The following GRID2 variants were observed in gnomAD, a reference collection of about 807,000 sequenced individuals.
The protein encoded by GRID2 is glutamate ionotropic receptor delta type subunit 2, also known as glutamate receptor ionotropic, delta-2.
GRID2 carries 33 observed loss-of-function variants against 114.8 expected under a neutral mutation model. The ratio of observed to expected loss-of-function variants is 0.29; its 90% confidence interval spans 0.22 to 0.38. GRID2 has a LOEUF of 0.38. Ranked by LOEUF, GRID2 falls within the 10% of genes least tolerant of loss-of-function variation. The pLI, the probability that GRID2 is intolerant of heterozygous loss-of-function variation, is 1.00. For missense variants in GRID2, 1,184 were observed against 1,257.7 expected, an observed-to-expected ratio of 0.94 and a Z score of 0.89; for synonymous variants, 505 against 449.9, an observed-to-expected ratio of 1.12 and a Z score of -1.55.
At chr4:93,535,376 T>A (rs1173793916) in intron 13 of GRID2, among the ~76,000 whole-genome samples, 1 of 151,986 alleles carries the variant, frequency 6.6e-6, no homozygotes, top group Non-Finnish European at 1.5e-5. Context: ...AGATGTATCT[T>A]TGAGATGCTG....
intron 4 of GRID2, among the ~76,000 whole-genome samples, chr4:93,193,765 A>G (rs1741217823): frequency 6.6e-6 from 1 of 152,216 alleles, no homozygotes; most frequent in African/African-American, 2.4e-5. Flanking sequence ...TCAGTAAACT[A>G]TGATACATAT....
chr4:93,245,459 A>G (rs952141141), intron 8 of GRID2, among the ~76,000 whole-genome samples: 1 of 152,204 alleles, frequency 6.6e-6, no homozygotes, highest in African/African-American at 2.4e-5. Flanking sequence ...AGCAAGATAT[A>G]TGTATAATTT....
intron 2 of GRID2, among the ~76,000 whole-genome samples, chr4:92,751,918 G>A (rs557652429): frequency 6.0e-4 from 92 of 152,266 alleles, no homozygotes; most frequent in African/African-American, 2.1e-3. Flanking sequence ...GACTTCAATA[G>A]CCACCTAGAC....
chr4:93,525,798 C>T (rs1336134735), intron 13 of GRID2, among the ~76,000 whole-genome samples: 2 of 152,190 alleles, frequency 1.3e-5, no homozygotes, highest in East Asian at 3.9e-4. Context: ...TAAAACACAG[C>T]CTCATACCCA....
chr4:92,585,121 G>A (rs1579629823), intron 1 of GRID2, among the ~76,000 whole-genome samples: 1 of 151,884 alleles, frequency 6.6e-6, no homozygotes, highest in African/African-American at 2.4e-5. Context: ...TTTTCTCTGT[G>A]TTTAGGAAAG....
chr4:93,420,974 C>G (rs1400615895), intron 9 of GRID2, among the ~76,000 whole-genome samples: 2 of 152,060 alleles, frequency 1.3e-5, no homozygotes, highest in Non-Finnish European at 2.9e-5. Context: ...AGGATGGTCT[C>G]AATCTCCTGA....
chr4:92,905,170 C>T (rs1052403847), intron 2 of GRID2, among the ~76,000 whole-genome samples: 15 of 151,828 alleles, frequency 9.9e-5, no homozygotes, highest in South Asian at 4.1e-4. Context: ...ATGGTACTGA[C>T]GATCATATAT....
chr4:93,056,659 G>A (rs1727274494), intron 2 of GRID2, among the ~76,000 whole-genome samples: 1 of 151,750 alleles, frequency 6.6e-6, no homozygotes, highest in Admixed American at 6.6e-5. Flanking sequence ...TCATTAATAA[G>A]AGTATTAATT....
At chr4:93,221,925 C>T (rs1313683568) in intron 6 of GRID2, among the ~76,000 whole-genome samples, 2 of 152,104 alleles carry the variant, frequency 1.3e-5, no homozygotes, top group Non-Finnish European at 2.9e-5. Context: ...AAAATACATG[C>T]CTCACGGTCT....
intron 2 of GRID2, among the ~76,000 whole-genome samples, chr4:93,078,219 C>T (rs113031281): frequency 2.6e-5 from 4 of 152,218 alleles, no homozygotes; most frequent in African/African-American, 7.2e-5. Flanking sequence ...GTCAAGGTAA[C>T]CTCCATCCAC....
At chr4:93,209,795 T>A (rs978105974) in intron 5 of GRID2, among the ~76,000 whole-genome samples, 1 of 152,160 alleles carries the variant, frequency 6.6e-6, no homozygotes, top group Non-Finnish European at 1.5e-5. Flanking sequence ...ATAGCCATTA[T>A]GACTGGTGTG....
At chr4:92,860,674 A>G (rs957004682) in intron 2 of GRID2, among the ~76,000 whole-genome samples, 1 of 152,110 alleles carries the variant, frequency 6.6e-6, no homozygotes, top group Non-Finnish European at 1.5e-5. Context: ...TGATTAGTTT[A>G]TTTATCCTAT....
chr4:92,994,324 G>T (rs983322843), intron 2 of GRID2, among the ~76,000 whole-genome samples: 3 of 151,846 alleles, frequency 2.0e-5, no homozygotes, highest in Admixed American at 6.6e-5. Flanking sequence ...AACATGTTTC[G>T]CACTTTAAGT....
At chr4:92,616,465 C>T (rs1056754255) in intron 2 of GRID2, among the ~76,000 whole-genome samples, 4 of 151,428 alleles carry the variant, frequency 2.6e-5, no homozygotes, top group African/African-American at 9.7e-5. Flanking sequence ...TGGATGCCTT[C>T]AGGTTTCTGC....
At chr4:92,663,815 C>T (rs779104530) in intron 2 of GRID2, among the ~76,000 whole-genome samples, 9 of 151,048 alleles carry the variant, frequency 6.0e-5, no homozygotes, top group Non-Finnish European at 1.3e-4. Context: ...CCCTGCAGCA[C>T]CTGGCAACTG....
At chr4:93,554,625 G>A (rs1206904376) in intron 13 of GRID2, among the ~76,000 whole-genome samples, 1 of 152,050 alleles carries the variant, frequency 6.6e-6, no homozygotes, top group Non-Finnish European at 1.5e-5. Context: ...ATTAGAGATA[G>A]GAGTCTCACT....
At chr4:93,503,714 A>G (rs898281063) in intron 12 of GRID2, among the ~76,000 whole-genome samples, 2 of 152,038 alleles carry the variant, frequency 1.3e-5, no homozygotes, top group African/African-American at 4.8e-5. Flanking sequence ...TTCTTCGCTC[A>G]CTGCACAAAT....
In GRID2 at chr4:92,384,454, ATATATATATATATATATATATATATT is replaced by A. The variant is rs1438217017; in HGVS notation, c.88+79711_88+79736del. 5.3e-3 allele frequency among the ~76,000 whole-genome samples: 237 copies of A among 45,110 alleles called. 5 individuals are homozygous for A. Among genetic ancestry groups the A allele is most frequent in the African/African-American group, 0.018 (207 of 11,196 alleles). The allele number at this position is 45,110 out of a possible 152,430, so 29.6% of individuals were successfully genotyped here. A position where few individuals can be genotyped will look rare whatever the true frequency, so the allele number is the denominator to read the frequency against. Reference sequence around the variant, plus strand: ...TAGGAATATATATATATATATATATATATATATATATATATATATATATATTATTTATATATAATAAAAATATATAT... The same window carrying A: ...TAGGAATATATATATATATATATATAATTTATATATAATAAAAATATATAT... On this transcript the variant is annotated intron_variant, in intron 1 of 15. Transcript: ENST00000282020.
chr4:93,618,037 G>A (rs1741864522), intron 13 of GRID2, among the ~76,000 whole-genome samples: 1 of 152,146 alleles, frequency 6.6e-6, no homozygotes, highest in Non-Finnish European at 1.5e-5. Context: ...CTCCCTGAAA[G>A]TTTACTCATG....
Sources: allele counts gnomAD v4.1 joint callset (sites outside exome capture counted in the v4.1 genomes callset), GRCh38; gene constraint gnomAD v4.1.1; transcripts MANE v1.5; gene names NCBI Gene and HGNC (gene_info 2026-07-23, HGNC 2026-07-21).